Variants in TENM1 observed in about 807,000 individuals in gnomAD.
TENM1 encodes teneurin-1.
In TENM1, 35 loss-of-function variants were observed where a neutral mutation model predicts 174.8. The observed-to-expected ratio is 0.20, with a 90% CI of 0.15 to 0.27. The LOEUF (loss-of-function observed/expected upper bound fraction) is 0.27. Ranked by LOEUF, TENM1 falls within the 10% of genes least tolerant of loss-of-function variation. TENM1 has a pLI of 1.00. For missense variants in TENM1, 1,633 were observed against 2,130.1 expected (o/e 0.77, Z 4.59); for synonymous variants, 781 against 798.7 (o/e 0.98, Z 0.37).
At chrX:124,863,143 A>G (rs112614035) in intron 3 of TENM1, among the ~76,000 whole-genome samples, 1,499 of 110,063 alleles carry the variant, frequency 0.014, 27 homozygotes, top group African/African-American at 0.047. Flanking sequence ...AAAAGCCTTG[A>G]GTGAGCCTCT....
the TENM1 span, among the ~76,000 whole-genome samples, chrX:125,120,466 C>T: frequency 4.6e-3 from 513 of 110,332 alleles, 4 homozygotes; most frequent in South Asian, 0.062. Flanking sequence ...ATGCCCTCCC[C>T]CAACCTGCCC....
rs5958508 is a variant in TENM1, at chrX:124,508,790, T to G, written c.3302-5087A>C. ...AAAGGCAGAGTGATATACTGGCTCA[T>G]GTATAACATTTGTGAGTGCCTTTGT... On this transcript the variant is annotated intron_variant, in intron 18 of 31. Transcript: ENST00000422452. Among the ~76,000 whole-genome samples, 866 of 111,977 alleles carry G rather than the reference T, an allele frequency of 7.7e-3. 9 individuals are homozygous for G. The highest frequency in any genetic ancestry group is 0.025 in the African/African-American group (777 of 30,810).
At chrX:124,988,760 A>G in the TENM1 span, among the ~76,000 whole-genome samples, 1 of 111,829 alleles carries the variant, frequency 8.9e-6, no homozygotes, top group Non-Finnish European at 1.9e-5. Flanking sequence ...AAAGCAATCA[A>G]TGCCATTCAC....
At chrX:125,056,073 T>C in the TENM1 span, among the ~76,000 whole-genome samples, 1 of 110,924 alleles carries the variant, frequency 9.0e-6, no homozygotes, top group Non-Finnish European at 1.9e-5. Context: ...TTGCATCTAC[T>C]ATTTGTATAT....
At chrX:124,628,928 T>C (rs1449272827) in intron 11 of TENM1, among the ~76,000 whole-genome samples, 1 of 111,624 alleles carries the variant, frequency 9.0e-6, no homozygotes, top group Non-Finnish European at 1.9e-5. Context: ...ATTTCGCCTA[T>C]AGTGAGGATG....
chrX:124,471,793 T>C (rs1301921775), intron 22 of TENM1, among the ~76,000 whole-genome samples: 1 of 97,832 alleles, frequency 1.0e-5, no homozygotes, highest in East Asian at 3.0e-4. Flanking sequence ...TAATATATAA[T>C]ATATAATATA....
At chrX:124,399,778 G>A (rs1003887117) in intron 27 of TENM1, among the ~76,000 whole-genome samples, 1 of 110,930 alleles carries the variant, frequency 9.0e-6, no homozygotes, top group African/African-American at 3.3e-5. Context: ...ACCAGCCTGG[G>A]CAACATGGCA....
intron 22 of TENM1, among the ~76,000 whole-genome samples, chrX:124,463,130 G>A (rs1327458886): frequency 8.9e-6 from 1 of 111,872 alleles, no homozygotes; most frequent in African/African-American, 3.2e-5. Context: ...CTTTGTTTGC[G>A]ATCTTGTGAT....
intron 11 of TENM1, among the ~76,000 whole-genome samples, chrX:124,576,718 T>A (rs2049174494): frequency 8.9e-6 from 1 of 112,426 alleles, no homozygotes; most frequent in South Asian, 3.7e-4. Context: ...TTTTCGTATA[T>A]AAAGTTTAAC....
At chrX:124,450,335 G>A (rs2061018434) in intron 23 of TENM1, among the ~76,000 whole-genome samples, 1 of 99,653 alleles carries the variant, frequency 1.0e-5, no homozygotes, top group Non-Finnish European at 2.0e-5. Context: ...ACTCCCGCCT[G>A]GGCCACAGAG....
At chrX:124,795,360 AT>A (rs746418313) in intron 3 of TENM1, among the ~76,000 whole-genome samples, 1 of 112,243 alleles carries the variant, frequency 8.9e-6, no homozygotes, top group South Asian at 3.6e-4. Flanking sequence ...GATGTCCTTT[AT>A]CTCCTCAAAT....
chrX:125,027,880 T>G, the TENM1 span, among the ~76,000 whole-genome samples: 3 of 111,566 alleles, frequency 2.7e-5, no homozygotes, highest in African/African-American at 9.8e-5. Flanking sequence ...AAAAAGTACT[T>G]TACCTCACAA....
chrX:124,639,117 T>C (rs755923880), intron 11 of TENM1, among the ~76,000 whole-genome samples: 7 of 111,856 alleles, frequency 6.3e-5, no homozygotes, highest in African/African-American at 2.3e-4. Flanking sequence ...TGCTTTCCTA[T>C]TGCAACAAGA....
intron 11 of TENM1, among the ~76,000 whole-genome samples, chrX:124,571,716 T>C (rs1252172633): frequency 8.9e-6 from 1 of 111,926 alleles, no homozygotes; most frequent in African/African-American, 3.2e-5. Context: ...ATAAAGTAGA[T>C]GTTTTTCCAG....
intron 6 of TENM1, among the ~76,000 whole-genome samples, chrX:124,661,585 C>T (rs2051602512): frequency 8.9e-6 from 1 of 111,929 alleles, no homozygotes; most frequent in Non-Finnish European, 1.9e-5. Context: ...ATTATCACAT[C>T]ATTCTTAACT....
chrX:125,098,016 C>T, the TENM1 span, among the ~76,000 whole-genome samples: 13,950 of 111,710 alleles, frequency 0.12, 732 homozygotes, highest in Admixed American at 0.28. Flanking sequence ...GTAATCCCAG[C>T]ACTTTGGGAG....
chrX:124,592,146 G>A (rs2049762589), intron 11 of TENM1, among the ~76,000 whole-genome samples: 1 of 111,960 alleles, frequency 8.9e-6, no homozygotes, highest in African/African-American at 3.2e-5. Context: ...GATTGCTTTA[G>A]AAGTTTCTTT....
chrX:125,125,525 C>T, the TENM1 span, among the ~76,000 whole-genome samples: 4 of 111,620 alleles, frequency 3.6e-5, no homozygotes, highest in Admixed American at 1.9e-4. Context: ...AGATCCAATA[C>T]GACAGTTTGA....
At chrX:125,039,431 C>T in the TENM1 span, among the ~76,000 whole-genome samples, 1,855 of 110,712 alleles carry the variant, frequency 0.017, 50 homozygotes, top group African/African-American at 0.057. Context: ...CAAATGCTTC[C>T]CTAATCTCTA....
Sources: allele counts gnomAD v4.1 joint callset (sites outside exome capture counted in the v4.1 genomes callset), GRCh38; gene constraint gnomAD v4.1.1; transcripts MANE v1.5; gene names NCBI Gene and HGNC (gene_info 2026-07-23, HGNC 2026-07-21).